Variants in SHC2 observed in about 807,000 individuals in gnomAD.
SHC2 encodes the protein SHC-transforming protein 2.
In SHC2, 62 loss-of-function variants were observed where a neutral mutation model predicts 60.6. The ratio of observed to expected loss-of-function variants is 1.02; its 90% CI spans 0.83 to 1.26. The LOEUF is 1.26. Ranked by LOEUF, SHC2 falls within the 50% of genes most tolerant of loss-of-function variation. SHC2 has a pLI of 0.00. For synonymous variants in SHC2, 375 were observed against 372.4 expected, an observed-to-expected ratio of 1.01 and a Z score of -0.08; for missense variants, 873 against 822.2, an observed-to-expected ratio of 1.06 and a Z score of -0.76.
rs1007496411 is a variant in SHC2, at chr19:438,742, G to T, written c.696C>A (p.Ser232Arg). Residue 232 changes from serine to arginine, a missense_variant, in exon 4 of 13, where the codon AGC (serine) becomes AGA (arginine). By Grantham distance (110) the Ser-to-Arg change is moderately radical. Coordinates refer to ENST00000264554, the MANE Select transcript of SHC2 (RefSeq NM_012435.3). This position sits in a 1 kb window ranked among gnomAD's most constrained non-coding sequence, Gnocchi z 5.0. The stretch of plus-strand genomic sequence containing the variant: ...CCTGGCGCGTGGCAGGCACGGAGAG[G>T]CTGAGGCCATCAGTGGAGATGTGGA... ...ISIHISTDGL[S>R]LSVPATRQVI... 1.3e-6 allele frequency: 2 copies of T among 1,567,544 alleles called. No individual in the cohort carries two copies. The highest frequency in any genetic ancestry group is 1.7e-6 in the Non-Finnish European group (2 of 1,157,452).
chr19:419,210 C>T (rs1974217422), intron 11 of SHC2, 154 bp from the exon 12 acceptor site: 6 of 885,536 alleles, frequency 6.8e-6, no homozygotes, highest in Admixed American at 6.2e-5. Context: ...GCCAAAGGAT[C>T]GGCCTCAGAA....
At chr19:418,388 C>T (rs1351119251) in intron 12 of SHC2, among the ~76,000 whole-genome samples, 3 of 152,268 alleles carry the variant, frequency 2.0e-5, no homozygotes, top group Admixed American at 1.3e-4. Flanking sequence ...TATCCACCCA[C>T]GGGCAGTGAC....
rs1443001054 is a variant in SHC2 at position 424,153 on chromosome 19, G to A, written c.1309+944C>T. On this transcript the variant is annotated intron_variant, in intron 10 of 12. Coordinates refer to ENST00000264554, the MANE Select transcript of SHC2 (RefSeq NM_012435.3). The surrounding 1 kb of genome is among the most constrained non-coding windows in gnomAD (Gnocchi z 4.5). The stretch of plus-strand genomic sequence containing the variant: ...TCAGAGCCAACACCTCTCCGTGCTG[G>A]AGAAGGGCAGAGTCGAGGCTGCAGG... 2.0e-5 allele frequency among the ~76,000 whole-genome samples: 3 copies of A among 152,200 alleles called. No homozygotes were observed. The highest frequency in any genetic ancestry group is 4.4e-5 in the Non-Finnish European group (3 of 68,032).
intron 1 of SHC2, among the ~76,000 whole-genome samples, chr19:451,606 T>C (rs1393097655): frequency 6.6e-6 from 1 of 152,194 alleles, no homozygotes; most frequent in African/African-American, 2.4e-5. Context: ...TGGCATTTTT[T>C]GTTTGTTTTG....
intron 4 of SHC2, among the ~76,000 whole-genome samples, 168 bp from the exon 5 acceptor site, chr19:436,851 C>T (rs982215485): frequency 6.6e-6 from 1 of 152,090 alleles, no homozygotes; most frequent in African/African-American, 2.4e-5. Context: ...TCAGCCTGGA[C>T]GACCGAGGCT....
rs1476933256 is a variant in SHC2 at position 430,779 on chromosome 19, G to T, written c.1111-32C>A. The T allele has an allele frequency of 1.9e-6, 3 of 1,604,342 alleles. No individual in the cohort carries two copies. In the South Asian group the frequency reaches 3.3e-5, roughly 18 times the overall value. Reference sequence around the variant, plus strand: ...ACAGAGCAGTGAGAGGTTCCCCGGTGTGTGCAAGCCCCTCTTCCTGGCTCT... The same window carrying T: ...ACAGAGCAGTGAGAGGTTCCCCGGTTTGTGCAAGCCCCTCTTCCTGGCTCT... On this transcript the variant is annotated intron_variant, in intron 8 of 12. Coordinates refer to ENST00000264554, the MANE Select transcript of SHC2 (RefSeq NM_012435.3).
At position 436,692 on chromosome 19, in the gene SHC2, G is replaced by A. The variant is rs776956951; in HGVS notation, c.721-9C>T. ...TGGTGGTTGGCGATGACCTGTGGCG[G>A]CAGGAGGCACACGCGGTCATGGGGG... On this transcript the variant is annotated splice_polypyrimidine_tract_variant and intron_variant, in intron 4 of 12. Transcript: ENST00000264554. 11 of 1,602,186 alleles carry A rather than the reference G, an allele frequency of 6.9e-6. No individual in the cohort carries two copies. The African/African-American group carries it at 9.3e-5, about 14-fold the overall frequency.
At chr19:426,847 T>C (rs887311299) in intron 9 of SHC2, among the ~76,000 whole-genome samples, 3 of 92,684 alleles carry the variant, frequency 3.2e-5, no homozygotes, top group African/African-American at 4.2e-5. Context: ...AGGACGACAG[T>C]GCGAGGGGCA....
chr19:439,275 C>T, intron 2 of SHC2: 1 of 572,744 alleles, frequency 1.7e-6, no homozygotes, highest in Admixed American at 3.1e-5. Flanking sequence ...GCTTGGGCAC[C>T]AGCCCACTCC....
chr19:452,049 G>A (rs530268039), intron 1 of SHC2, among the ~76,000 whole-genome samples: 54 of 152,222 alleles, frequency 3.5e-4, no homozygotes, highest in Non-Finnish European at 7.2e-4. Flanking sequence ...CCTTTGTGGC[G>A]GCCTCTGTGC....
At chr19:437,692 C>G (rs1398615846) in intron 4 of SHC2, among the ~76,000 whole-genome samples, 1 of 152,140 alleles carries the variant, frequency 6.6e-6, no homozygotes, top group Non-Finnish European at 1.5e-5. Context: ...CCATCCTTCT[C>G]TAGCCTCCTC....
chr19:457,985 G>C (rs1301677775), intron 1 of SHC2, among the ~76,000 whole-genome samples: 1 of 151,658 alleles, frequency 6.6e-6, no homozygotes, highest in Admixed American at 6.6e-5. Context: ...TGGGGAGGCG[G>C]AAGCCGGTCC....
chr19:434,408 G>C (rs1219995062), intron 8 of SHC2, among the ~76,000 whole-genome samples: 2 of 141,774 alleles, frequency 1.4e-5, no homozygotes, highest in African/African-American at 5.3e-5. Flanking sequence ...GTGAGTCTGT[G>C]AGTGAGATAG....
At chr19:448,716 A>G (rs1374237702) in intron 1 of SHC2, among the ~76,000 whole-genome samples, 2 of 152,152 alleles carry the variant, frequency 1.3e-5, no homozygotes, top group African/African-American at 4.8e-5. Flanking sequence ...CGTCCTGCCA[A>G]AAACACAACC....
chr19:430,689 C>G lies in SHC2; in HGVS notation c.1169G>C (p.Gly390Ala), dbSNP rs770367920. The change falls in exon 9 of 13, where the codon GGT becomes GCT. Residue 390 changes from glycine (G) to alanine (A), a missense_variant. Coordinates refer to ENST00000264554, the MANE Select transcript of SHC2 (RefSeq NM_012435.3). ...GCAGCCCCAGCCCATCCTACCTGTA[C>G]CGGTGGACCCCACGTCCCATGGCAG... ...CSLPWDVGST[G>A]TAPPGDGYVQ... 1.9e-5 allele frequency: 31 copies of G among 1,612,748 alleles called. No homozygotes were observed. The Admixed American group carries it at 5.2e-4, about 27-fold the overall frequency.
At chr19:421,162 G>A (rs1302742535) in intron 11 of SHC2, among the ~76,000 whole-genome samples, 1 of 152,124 alleles carries the variant, frequency 6.6e-6, no homozygotes, top group East Asian at 1.9e-4. Context: ...ACTTTGGGAG[G>A]CCGAGGCGGG....
rs969246674 is a variant in SHC2 at position 438,049 on chromosome 19, A to G, written c.720+669T>C. On this transcript the variant is annotated intron_variant, in intron 4 of 12. Transcript: ENST00000264554. The surrounding 1 kb of genome is among the most constrained non-coding windows in gnomAD (Gnocchi z 5.0). Reference sequence around the variant, plus strand: ...GCCCAGGCTGGAGTGCAGTAGTGCAATCTTGGCTCACTGCAACCTCCACTC... The same window carrying G: ...GCCCAGGCTGGAGTGCAGTAGTGCAGTCTTGGCTCACTGCAACCTCCACTC... Among the ~76,000 whole-genome samples the G allele has an allele frequency of 3.3e-5, 5 of 152,098 alleles. No homozygotes were observed. The highest frequency in any genetic ancestry group is 2.6e-4 in the Admixed American group (4 of 15,286).
chr19:444,078 T>C (rs912107784), intron 1 of SHC2, among the ~76,000 whole-genome samples: 1 of 132,238 alleles, frequency 7.6e-6, no homozygotes, highest in African/African-American at 2.9e-5. Flanking sequence ...GATGGGTGGA[T>C]GGATGGAGGG....
chr19:447,404 G>A (rs1444647395), intron 1 of SHC2, among the ~76,000 whole-genome samples: 1 of 152,238 alleles, frequency 6.6e-6, no homozygotes, highest in Non-Finnish European at 1.5e-5. Context: ...TTGCAGAACC[G>A]TGTGGCTGCA....
Sources: gnomAD v4.1 joint callset for allele counts (sites outside exome capture counted in the v4.1 genomes callset) on GRCh38, gnomAD v4.1.1 for gene constraint, Gnocchi (gnomAD v3.1) non-coding constraint, MANE v1.5 for transcripts, NCBI Gene and HGNC (gene_info 2026-07-23, HGNC 2026-07-21) for gene names.